Variants in LINGO2 observed in about 807,000 individuals in gnomAD.
The protein encoded by LINGO2 is leucine-rich repeat and immunoglobulin-like domain-containing nogo receptor-interacting protein 2.
A neutral mutation model predicts 30.6 loss-of-function variants in LINGO2; 14 were observed. The observed-to-expected ratio is 0.46, with a 90% CI of 0.30 to 0.72. The LOEUF (loss-of-function observed/expected upper bound fraction) is 0.72. Ranked by LOEUF, LINGO2 falls within the 30% of genes least tolerant of loss-of-function variation. The probability of loss-of-function intolerance (pLI) is 0.07; values close to 1 mark genes in which losing one functional copy is unlikely to be tolerated. For synonymous variants in LINGO2, 317 were observed against 288.5 expected, an observed-to-expected ratio of 1.10 and a Z score of -1.00; for missense variants, 729 against 751.7, an observed-to-expected ratio of 0.97 and a Z score of 0.35.
intron 3 of LINGO2, among the ~76,000 whole-genome samples, chr9:28,363,558 A>G (rs987970112): frequency 6.6e-6 from 1 of 152,220 alleles, no homozygotes; most frequent in African/African-American, 2.4e-5. Context: ...CAGCATCATC[A>G]GCAAAAAGGG....
chr9:28,822,696 G>A, the LINGO2 span, among the ~76,000 whole-genome samples: 1 of 152,134 alleles, frequency 6.6e-6, no homozygotes, highest in South Asian at 2.1e-4. Flanking sequence ...AAGTTCTTCA[G>A]TTTTGGGACT....
At chr9:28,108,999 A>T (rs117835027) in intron 4 of LINGO2, among the ~76,000 whole-genome samples, 17,283 of 152,196 alleles carry the variant, frequency 0.11, 1,260 homozygotes, top group South Asian at 0.19. Context: ...ATCCTCAAGA[A>T]AATACTGGCA....
At chr9:29,011,657 G>C in the LINGO2 span, among the ~76,000 whole-genome samples, 4 of 152,200 alleles carry the variant, frequency 2.6e-5, no homozygotes, top group African/African-American at 9.6e-5. Context: ...ATGACCCCTT[G>C]GCCACTGATT....
the LINGO2 span, among the ~76,000 whole-genome samples, chr9:28,993,404 C>A: frequency 2.7e-4 from 41 of 152,228 alleles, no homozygotes; most frequent in East Asian, 1.7e-3. Flanking sequence ...AGTCCAGGAC[C>A]AGATGGAATC....
the LINGO2 span, among the ~76,000 whole-genome samples, chr9:29,120,023 G>A: frequency 6.6e-6 from 1 of 152,158 alleles, no homozygotes; most frequent in South Asian, 2.1e-4. Context: ...GTGCAAATGG[G>A]ACTGATTGAA....
the LINGO2 span, among the ~76,000 whole-genome samples, chr9:28,767,057 T>C: frequency 6.6e-6 from 1 of 151,102 alleles, no homozygotes; most frequent in African/African-American, 2.5e-5. Flanking sequence ...TAAAAACAGA[T>C]AGTATGGTGG....
At chr9:28,860,590 G>GGATA in the LINGO2 span, among the ~76,000 whole-genome samples, 6,441 of 150,590 alleles carry the variant, frequency 0.043, 212 homozygotes, top group Admixed American at 0.083. Flanking sequence ...ATAGATAGAT[G>GGATA]GATAGATAGA....
At chr9:28,918,737 C>T in the LINGO2 span, among the ~76,000 whole-genome samples, 18 of 152,106 alleles carry the variant, frequency 1.2e-4, no homozygotes, top group African/African-American at 2.9e-4. Flanking sequence ...GCCCCTGTAC[C>T]TTTTTTTCAT....
the LINGO2 span, among the ~76,000 whole-genome samples, chr9:29,173,817 T>A: frequency 6.6e-6 from 1 of 152,096 alleles, no homozygotes; most frequent in Non-Finnish European, 1.5e-5. Flanking sequence ...AAATATGTAA[T>A]TCATGAGAAT....
intron 4 of LINGO2, among the ~76,000 whole-genome samples, chr9:28,245,734 A>G (rs1458392203): frequency 6.7e-6 from 1 of 148,178 alleles, no homozygotes. Context: ...TATAGCTAAG[A>G]AGGGATGTGG....
chr9:28,689,040 T>C, the LINGO2 span, among the ~76,000 whole-genome samples: 1 of 152,190 alleles, frequency 6.6e-6, no homozygotes, highest in Non-Finnish European at 1.5e-5. Flanking sequence ...TAGAATATGG[T>C]AAAGACGACA....
the LINGO2 span, among the ~76,000 whole-genome samples, chr9:28,875,026 A>G: frequency 6.6e-6 from 1 of 152,056 alleles, no homozygotes; most frequent in Non-Finnish European, 1.5e-5. Context: ...TCTCAGAGAG[A>G]ATTATAGACT....
chr9:28,222,395 C>G (rs1012710889), intron 4 of LINGO2, among the ~76,000 whole-genome samples: 2 of 151,894 alleles, frequency 1.3e-5, no homozygotes, highest in East Asian at 3.9e-4. Flanking sequence ...AATCGAATAC[C>G]TATATGTGCT....
chr9:29,164,857 T>C, the LINGO2 span, among the ~76,000 whole-genome samples: 11 of 152,116 alleles, frequency 7.2e-5, no homozygotes, highest in African/African-American at 2.4e-4. Context: ...ATGGCTACAG[T>C]TAACTCATTT....
chr9:29,006,199 GA>G, the LINGO2 span, among the ~76,000 whole-genome samples: 168 of 151,760 alleles, frequency 1.1e-3, no homozygotes, highest in Middle Eastern at 0.014. Flanking sequence ...ATATAAACAA[GA>G]AAACATGAAT....
At chr9:29,076,268 G>T in the LINGO2 span, among the ~76,000 whole-genome samples, 1 of 151,904 alleles carries the variant, frequency 6.6e-6, no homozygotes, top group Admixed American at 6.6e-5. Flanking sequence ...TTGTAATAAG[G>T]TTATTATGAT....
chr9:28,804,575 C>T, the LINGO2 span, among the ~76,000 whole-genome samples: 1 of 143,364 alleles, frequency 7.0e-6, no homozygotes, highest in African/African-American at 2.6e-5. Context: ...AAAAAAAAAA[C>T]AGATCTGGAA....
the LINGO2 span, among the ~76,000 whole-genome samples, chr9:29,145,726 G>C: frequency 6.6e-6 from 1 of 152,112 alleles, no homozygotes. Context: ...TAAAGAGTAA[G>C]CATATGAAAG....
the LINGO2 span, among the ~76,000 whole-genome samples, chr9:29,095,233 G>C: frequency 1.5e-5 from 2 of 137,714 alleles, 1 homozygote; most frequent in Non-Finnish European, 3.2e-5. Flanking sequence ...GGAAAAAGAG[G>C]GTATTGAATT....
Sources: allele counts gnomAD v4.1 joint callset (sites outside exome capture counted in the v4.1 genomes callset), GRCh38; gene constraint gnomAD v4.1.1; transcripts MANE v1.5; gene names NCBI Gene and HGNC (gene_info 2026-07-23, HGNC 2026-07-21).